Variants in ANKDD1B observed in about 807,000 individuals in gnomAD.
ANKDD1B encodes the protein ankyrin repeat and death domain-containing protein 1B.
In ANKDD1B, 57 loss-of-function variants were observed where a neutral mutation model predicts 59.7. The ratio of observed to expected loss-of-function variants is 0.95; its 90% CI spans 0.77 to 1.19. The LOEUF is 1.19. ANKDD1B is among the 50% of genes most tolerant of loss of function. ANKDD1B has a pLI of 0.00. For synonymous variants in ANKDD1B, 216 were observed against 239.5 expected (o/e 0.90, Z 0.91); for missense variants, 602 against 641.9 (o/e 0.94, Z 0.67).
At chr5:75,627,026 A>G (rs900897075) in intron 5 of ANKDD1B, among the ~76,000 whole-genome samples, 111 of 152,164 alleles carry the variant, frequency 7.3e-4, no homozygotes, top group African/African-American at 2.7e-3. Context: ...AACAATATTA[A>G]TGATAAGAAG....
At position 75,659,370 on chromosome 5, in the gene ANKDD1B, G is replaced by T. The variant is rs916893890; in HGVS notation, c.1084G>T (p.Ala362Ser). 2 of 1,535,704 alleles carry T rather than the reference G, an allele frequency of 1.3e-6. No homozygotes were observed. The highest frequency in any genetic ancestry group is 1.7e-6 in the Non-Finnish European group (2 of 1,146,526). ...GCTGAAGGCAGGCTGTGACTTGAAG[G>T]CTGTTGACAAGGTAAGTGCATGGAC... is the stretch of plus-strand genomic sequence containing the variant. ...TLLKAGCDLK[A>S]VDKQGKTALA... Residue 362 changes from alanine to serine, a missense_variant, in exon 10 of 14, where the codon GCT becomes TCT. This residue lies in a region of ANKDD1B where 280 missense variants were observed against 319.8 expected (regional missense o/e 0.88). Transcript: ENST00000601380.
chr5:75,643,658 G>C (rs1294923200), intron 7 of ANKDD1B, among the ~76,000 whole-genome samples: 1 of 42,512 alleles, frequency 2.4e-5, no homozygotes, highest in Admixed American at 2.9e-4. Context: ...ATGGAACCAA[G>C]TTGGAAAACA....
rs1356922874 is a variant in ANKDD1B at position 75,671,183 on chromosome 5, T to C, written c.*143T>C. 15 of 398,582 alleles carry C rather than the reference T, an allele frequency of 3.8e-5. No individual in the cohort carries two copies. Among genetic ancestry groups the C allele is most frequent in the South Asian group, 2.8e-4 (2 of 7,184 alleles). The allele number at this position is 398,582 out of a possible 1,614,324, so 24.7% of individuals were successfully genotyped here. A position where few individuals can be genotyped will look rare whatever the true frequency, so the allele number is the denominator to read the frequency against. On this transcript the variant is annotated 3_prime_UTR_variant, in exon 14 of 14. Transcript: ENST00000601380. Reference sequence around the variant, plus strand: ...ACTCTAACAGATGAAAGAAGAGTAATACCATGATACTTTTCAACCACTAAA... The same window carrying C: ...ACTCTAACAGATGAAAGAAGAGTAACACCATGATACTTTTCAACCACTAAA...
chr5:75,642,286 G>A (rs1175516368), intron 7 of ANKDD1B, among the ~76,000 whole-genome samples: 1 of 152,078 alleles, frequency 6.6e-6, no homozygotes, highest in East Asian at 1.9e-4. Context: ...ACAGCTCCCA[G>A]CGTGAGCGAC....
rs1554068894 is a variant in ANKDD1B at position 75,648,268 on chromosome 5, A to AAAAAAAAAAAAATT, written c.799-4862_799-4861insTTAAAAAAAAAAAA. 5.8e-3 allele frequency among the ~76,000 whole-genome samples: 134 copies of AAAAAAAAAAAAATT among 23,020 alleles called. 2 individuals are homozygous for AAAAAAAAAAAAATT. Among genetic ancestry groups the AAAAAAAAAAAAATT allele is most frequent in the African/African-American group, 0.026 (121 of 4,730 alleles). 15.1% of individuals were successfully genotyped at this position (23,020 alleles called of 152,430 possible). A position where few individuals can be genotyped will look rare whatever the true frequency, so the allele number is the denominator to read the frequency against. On this transcript the variant is annotated intron_variant, in intron 7 of 13. Transcript: ENST00000601380. Reference sequence around the variant, plus strand: ...AAAGTATAATTAAAAAAAAAAAATTAAAAAAAAAAAAAAAAGAATTCATGG... The same window carrying AAAAAAAAAAAAATT: ...AAAGTATAATTAAAAAAAAAAAATTAAAAAAAAAAAAATTAAAAAAAAAAAAAAAGAATTCATGG...
chr5:75,625,242 A>G (rs1773958494), intron 3 of ANKDD1B, among the ~76,000 whole-genome samples: 1 of 152,058 alleles, frequency 6.6e-6, no homozygotes, highest in Admixed American at 6.5e-5. Context: ...AGTGTGCTTC[A>G]TGCATTAGAG....
intron 10 of ANKDD1B, among the ~76,000 whole-genome samples, chr5:75,661,328 C>T (rs1237469085): frequency 1.6e-5 from 2 of 125,166 alleles, no homozygotes; most frequent in Non-Finnish European, 3.2e-5. Flanking sequence ...AACCGGAAGG[C>T]GGAGGTTGCA....
chr5:75,616,810 C>A lies in ANKDD1B; in HGVS notation c.200C>A (p.Pro67Gln). ...TTGCTTTGCTTTCTTTCAGTACTCC[C>A]AAATGAGAGAAGCTTTCAGAATGCT... ...TAVAGHELLL[P>Q]NERSFQNAAK... Residue 67 changes from proline (P) to glutamine (Q), a missense_variant, in exon 2 of 14, where the codon CCA becomes CAA. This residue lies in a region of ANKDD1B where 317 missense variants were observed against 304.6 expected (regional missense o/e 1.04). Coordinates refer to ENST00000601380, the MANE Select transcript of ANKDD1B (RefSeq NM_001276713.2). 1 of 1,510,044 alleles carries A rather than the reference C, an allele frequency of 6.6e-7. No individual in the cohort carries two copies. Among genetic ancestry groups the A allele is most frequent in the South Asian group, 1.2e-5 (1 of 82,692 alleles). The allele number at this position is 1,510,044 out of a possible 1,614,324, so 93.5% of individuals were successfully genotyped here. A position where few individuals can be genotyped will look rare whatever the true frequency, so the allele number is the denominator to read the frequency against.
At chr5:75,662,082 C>T (rs1775171796) in intron 10 of ANKDD1B, among the ~76,000 whole-genome samples, 1 of 152,028 alleles carries the variant, frequency 6.6e-6, no homozygotes, top group Admixed American at 6.6e-5. Context: ...TCCACGCTAC[C>T]TCCCAACCCC....
At chr5:75,616,535 G>C (rs1043247678) in intron 1 of ANKDD1B, among the ~76,000 whole-genome samples, 1 of 152,138 alleles carries the variant, frequency 6.6e-6, no homozygotes, top group South Asian at 2.1e-4. Context: ...CAGATACCAG[G>C]TTACTGACTT....
At position 75,656,068 on chromosome 5, in the gene ANKDD1B, C is replaced by G. The variant is rs1468571232; in HGVS notation, c.937C>G (p.His313Asp). 4.6e-6 allele frequency: 7 copies of G among 1,525,854 alleles called. No homozygotes were observed. Among genetic ancestry groups the G allele is most frequent in the Non-Finnish European group, 5.3e-6 (6 of 1,137,916 alleles). 94.5% of individuals were successfully genotyped at this position (1,525,854 alleles called of 1,614,324 possible). ...TCTTCATTTAGTTGTTATCAACAAC[C>G]ACATCACGGTTGTAAACAGTTTATT... Reference protein sequence around the residue: ...SPLHLVVINNHITVVNSLLSA... With the variant: ...SPLHLVVINNDITVVNSLLSA... Residue 313 changes from histidine to aspartate, a missense_variant, in exon 9 of 14, where the codon CAC becomes GAC. His to Asp is a moderately conservative substitution (Grantham distance 81). Transcript: ENST00000601380.
rs1351036313 is a variant in ANKDD1B at position 75,652,570 on chromosome 5, C to A, written c.799-572C>A. Among the ~76,000 whole-genome samples, 6 of 152,282 alleles carry A rather than the reference C, an allele frequency of 3.9e-5. No individual in the cohort carries two copies. In the East Asian group the frequency reaches 1.2e-3, roughly 29 times the overall value. Reference sequence around the variant, plus strand: ...CATCCTCCCACCTCAGTCTCAGCCTCCCAAGTACCTGGGACCACAGGGACA... The same window carrying A: ...CATCCTCCCACCTCAGTCTCAGCCTACCAAGTACCTGGGACCACAGGGACA... On this transcript the variant is annotated intron_variant, in intron 7 of 13. Transcript: ENST00000601380.
In ANKDD1B at chr5:75,666,807, A is replaced by G. The variant is rs2112033926; in HGVS notation, c.1207A>G (p.Ile403Val). 6.5e-7 allele frequency: 1 copy of G among 1,535,680 alleles called. No individual in the cohort carries two copies. Among genetic ancestry groups the G allele is most frequent in the African/African-American group, 1.4e-5 (1 of 73,160 alleles). The change falls in exon 12 of 14, where the codon ATC (isoleucine) becomes GTC (valine). Residue 403 changes from isoleucine (I) to valine (V), a missense_variant. Transcript: ENST00000601380. ...TTCACTTTAGGAGCATCATGAGAGCATCAGGGACCCGTCAACAGGCTTTAC... is the reference window on the plus strand; with the variant it reads ...TTCACTTTAGGAGCATCATGAGAGCGTCAGGGACCCGTCAACAGGCTTTAC... ...YAWREEHHES[I>V]RDPSTGFTLT...
intron 7 of ANKDD1B, among the ~76,000 whole-genome samples, chr5:75,646,787 C>T (rs1387313891): frequency 1.7e-5 from 2 of 114,412 alleles, no homozygotes; most frequent in Admixed American, 8.3e-5. Flanking sequence ...CAGTCCGCAT[C>T]GCCAAGTCAA....
chr5:75,621,930 C>G (rs1031769789), intron 3 of ANKDD1B, among the ~76,000 whole-genome samples: 29 of 152,252 alleles, frequency 1.9e-4, no homozygotes, highest in African/African-American at 7.0e-4. Context: ...CCTGGTGTGT[C>G]TCTTTTTCCT....
intron 7 of ANKDD1B, among the ~76,000 whole-genome samples, chr5:75,648,290 A>T (rs1330722096): frequency 6.7e-6 from 1 of 150,022 alleles, no homozygotes; most frequent in Non-Finnish European, 1.5e-5. Flanking sequence ...AAAAGAATTC[A>T]TGGGAGCCAT....
rs1035254799 is a variant in ANKDD1B at position 75,671,061 on chromosome 5, T to G, written c.*21T>G. On this transcript the variant is annotated 3_prime_UTR_variant, in exon 14 of 14. Coordinates refer to ENST00000601380, the MANE Select transcript of ANKDD1B (RefSeq NM_001276713.2). The stretch of plus-strand genomic sequence containing the variant: ...CATAAATGCCTAAAGAAATTGTATT[T>G]ACATGATTTTCCACTCAGCATTCAG... The G allele has an allele frequency of 3.4e-6, 4 of 1,168,034 alleles. No individual in the cohort carries two copies. The African/African-American group carries it at 6.3e-5, about 19-fold the overall frequency. 72.4% of individuals were successfully genotyped at this position (1,168,034 alleles called of 1,614,324 possible).
chr5:75,649,962 C>T (rs915976106), intron 7 of ANKDD1B, among the ~76,000 whole-genome samples: 2 of 152,162 alleles, frequency 1.3e-5, no homozygotes, highest in Non-Finnish European at 2.9e-5. Flanking sequence ...AAAATAGTGC[C>T]TGGCACAAAA....
At chr5:75,663,018 C>T (rs1406361872) in intron 10 of ANKDD1B, among the ~76,000 whole-genome samples, 1 of 152,148 alleles carries the variant, frequency 6.6e-6, no homozygotes, top group East Asian at 1.9e-4. Flanking sequence ...GTCAGCATTC[C>T]ACTCAGGAGG....
Sources: allele counts gnomAD v4.1 joint callset (sites outside exome capture counted in the v4.1 genomes callset), GRCh38; gene constraint gnomAD v4.1.1; regional missense constraint gnomAD v4.1.1; transcripts MANE v1.5; gene names NCBI Gene and HGNC (gene_info 2026-07-23, HGNC 2026-07-21).